The following PTPRD variants were observed in gnomAD, a reference collection of about 807,000 sequenced individuals.
PTPRD encodes protein tyrosine phosphatase receptor type D, also known as receptor-type tyrosine-protein phosphatase delta.
A neutral mutation model predicts 214.5 loss-of-function variants in PTPRD; 34 were observed. The ratio of observed to expected loss-of-function variants is 0.16; its 90% CI spans 0.12 to 0.21. PTPRD has a LOEUF of 0.21. PTPRD is among the 10% of genes least tolerant of loss of function. The pLI is 1.00. For synonymous variants in PTPRD, 1,128 were observed against 845.7 expected (o/e 1.33, Z -5.79); for missense variants, 2,545 against 2,398.7 (o/e 1.06, Z -1.27).
chr9:9,658,971 C>A (rs538420870), intron 7 of PTPRD, among the ~76,000 whole-genome samples: 31 of 152,080 alleles, frequency 2.0e-4, no homozygotes, highest in African/African-American at 5.1e-4. Context: ...AAGTAGAACA[C>A]AAACTATCAA....
At chr9:8,790,620 A>C (rs74309296) in intron 11 of PTPRD, among the ~76,000 whole-genome samples, 30,053 of 152,088 alleles carry the variant, frequency 0.2, 3,789 homozygotes, top group East Asian at 0.41. Context: ...ACTAGATGAT[A>C]AATTAATACT....
chr9:8,533,272 A>C (rs955685980), intron 14 of PTPRD, among the ~76,000 whole-genome samples: 2 of 152,008 alleles, frequency 1.3e-5, no homozygotes, highest in Non-Finnish European at 2.9e-5. Flanking sequence ...TAATCTTGCT[A>C]GGGCTCTTGC....
At chr9:9,276,737 T>A (rs976015991) in intron 9 of PTPRD, among the ~76,000 whole-genome samples, 1 of 151,418 alleles carries the variant, frequency 6.6e-6, no homozygotes, top group Non-Finnish European at 1.5e-5. Context: ...AAGAGCCTAA[T>A]TTCTTTAGGG....
chr9:10,067,107 T>C (rs1271207688), intron 3 of PTPRD, among the ~76,000 whole-genome samples: 1 of 151,916 alleles, frequency 6.6e-6, no homozygotes, highest in East Asian at 1.9e-4. Flanking sequence ...TACTAATGGA[T>C]GGTCCAGGAT....
At chr9:8,601,817 A>G (rs1327116326) in intron 14 of PTPRD, among the ~76,000 whole-genome samples, 1 of 152,240 alleles carries the variant, frequency 6.6e-6, no homozygotes. Flanking sequence ...AAGGAAAATT[A>G]GAAAACCATA....
chr9:8,774,048 G>C (rs1358846363), intron 11 of PTPRD, among the ~76,000 whole-genome samples: 1 of 152,070 alleles, frequency 6.6e-6, no homozygotes, highest in Non-Finnish European at 1.5e-5. Context: ...TCCTGTTACA[G>C]TGCCCATTAC....
chr9:9,961,892 C>A (rs1046869639), intron 4 of PTPRD, among the ~76,000 whole-genome samples: 7 of 152,084 alleles, frequency 4.6e-5, no homozygotes, highest in African/African-American at 1.4e-4. Flanking sequence ...CTTTTAAAAA[C>A]AATTTCATAG....
intron 2 of PTPRD, among the ~76,000 whole-genome samples, chr9:10,576,942 C>CT (rs1256073123): frequency 6.8e-6 from 1 of 147,436 alleles, no homozygotes; most frequent in Non-Finnish European, 1.5e-5. Context: ...GTCTCTAGTA[C>CT]TTATTTTCAT....
At chr9:8,820,255 T>A (rs569666600) in intron 11 of PTPRD, among the ~76,000 whole-genome samples, 43 of 152,056 alleles carry the variant, frequency 2.8e-4, no homozygotes, top group Non-Finnish European at 5.6e-4. Context: ...GAGGCACACA[T>A]AGATTAAGTA....
chr9:9,488,036 C>T lies in PTPRD; in HGVS notation c.-237+86696G>A, dbSNP rs549537503. Among the ~76,000 whole-genome samples the T allele has an allele frequency of 7.2e-5, 11 of 152,224 alleles. No homozygotes were observed. The East Asian group carries it at 1.9e-3, about 27-fold the overall frequency. ...GTGTGCCATAAACCTATGAGGTAGA[C>T]TTTCCTGGATTGTTATATATGTTGA... On this transcript the variant is annotated intron_variant, in intron 8 of 45. Transcript: ENST00000381196.
intron 33 of PTPRD, chr9:8,454,733 G>A (rs540025483): frequency 8.1e-6 from 7 of 868,512 alleles, no homozygotes; most frequent in Non-Finnish European, 1.3e-5. Flanking sequence ...ACATTCAGAA[G>A]CGACAGCGAA....
chr9:9,090,248 C>T lies in PTPRD; in HGVS notation c.-142-71513G>A, dbSNP rs751700534. ...TTCTCAGCCTCTGGTAGCAATCATT[C>T]TATTCTCTACCTCTATAAGGTACAC... On this transcript the variant is annotated intron_variant, in intron 10 of 45. Coordinates refer to ENST00000381196, the MANE Select transcript of PTPRD (RefSeq NM_002839.4). Among the ~76,000 whole-genome samples, 50 of 152,074 alleles carry T rather than the reference C, an allele frequency of 3.3e-4. 1 individual carries two copies.
chr9:9,966,544 C>A (rs80239104), intron 4 of PTPRD, among the ~76,000 whole-genome samples: 6,069 of 152,152 alleles, frequency 0.04, 145 homozygotes, highest in Non-Finnish European at 0.059. Context: ...AGGATCTCCA[C>A]AAAAAGATTA....
intron 9 of PTPRD, among the ~76,000 whole-genome samples, chr9:9,211,857 T>C (rs1384347008): frequency 6.6e-6 from 1 of 152,028 alleles, no homozygotes; most frequent in Non-Finnish European, 1.5e-5. Flanking sequence ...CCAGGCTGAG[T>C]AACTTAGCCC....
chr9:9,939,029 C>T (rs1301836048), intron 4 of PTPRD, among the ~76,000 whole-genome samples: 1 of 148,068 alleles, frequency 6.8e-6, no homozygotes, highest in Non-Finnish European at 1.5e-5. Flanking sequence ...TTTTTTTTAA[C>T]CATGAAAAGG....
chr9:10,222,053 A>T (rs955532921), intron 3 of PTPRD, among the ~76,000 whole-genome samples: 1 of 152,086 alleles, frequency 6.6e-6, no homozygotes, highest in African/African-American at 2.4e-5. Flanking sequence ...CAGGTTACAG[A>T]AGTGTAAATT....
intron 12 of PTPRD, among the ~76,000 whole-genome samples, chr9:8,704,912 G>C (rs951689106): frequency 6.6e-6 from 1 of 151,914 alleles, no homozygotes; most frequent in Non-Finnish European, 1.5e-5. Context: ...GATAGAGCAA[G>C]ACTCCTTAAA....
chr9:9,959,345 A>G (rs1737896316), intron 4 of PTPRD, among the ~76,000 whole-genome samples: 1 of 152,148 alleles, frequency 6.6e-6, no homozygotes. Context: ...GAGAGGAAGG[A>G]AGAGGGGTAA....
chr9:9,939,013 CT>C (rs58215302), intron 4 of PTPRD, among the ~76,000 whole-genome samples: 56,797 of 147,800 alleles, frequency 0.38, 11,473 homozygotes, highest in African/African-American at 0.53. Flanking sequence ...TTCTGAATTC[CT>C]TTTTTTTTTT....
Sources: gnomAD v4.1 joint callset for allele counts (sites outside exome capture counted in the v4.1 genomes callset) on GRCh38, gnomAD v4.1.1 for gene constraint, MANE v1.5 for transcripts, NCBI Gene and HGNC (gene_info 2026-07-23, HGNC 2026-07-21) for gene names.